Variants in ARPC5L observed in about 807,000 individuals in gnomAD.
ARPC5L encodes actin-related protein 2/3 complex subunit 5-like protein.
In ARPC5L, 4 loss-of-function variants were observed where a neutral mutation model predicts 16.9. That is an observed-to-expected ratio of 0.24 (90% CI 0.12 to 0.54). ARPC5L has a LOEUF of 0.54. Ranked by LOEUF, ARPC5L falls within the 20% of genes least tolerant of loss-of-function variation. The probability of loss-of-function intolerance (pLI) is 0.95; values close to 1 mark genes in which losing one functional copy is unlikely to be tolerated. For synonymous variants in ARPC5L, 78 were observed against 82.6 expected, an observed-to-expected ratio of 0.94 and a Z score of 0.30; for missense variants, 151 against 201.9, an observed-to-expected ratio of 0.75 and a Z score of 1.53.
intron 2 of ARPC5L, among the ~76,000 whole-genome samples, chr9:124,865,512 G>A (rs1049626130): frequency 2.0e-5 from 3 of 151,948 alleles, no homozygotes; most frequent in South Asian, 2.1e-4. Flanking sequence ...ACTTAAGGCC[G>A]GGTGAGGTGG....
At chr9:124,871,532 G>A (rs1410304854) in intron 3 of ARPC5L, among the ~76,000 whole-genome samples, 1 of 152,150 alleles carries the variant, frequency 6.6e-6, no homozygotes, top group Non-Finnish European at 1.5e-5. Context: ...GTGACCTTGC[G>A]CAGGTAATTT....
chr9:124,869,214 C>T lies in ARPC5L; in HGVS notation c.-77C>T, dbSNP rs1829317038. Reference sequence around the variant, plus strand: ...CGGGCAGCCGCTTCCCGCCCCCGAGCAGGAGCCGGTGCGAGCGGAGCAGAG... The same window carrying T: ...CGGGCAGCCGCTTCCCGCCCCCGAGTAGGAGCCGGTGCGAGCGGAGCAGAG... On this transcript the variant is annotated 5_prime_UTR_variant, in exon 3 of 6. Coordinates refer to ENST00000353214, the MANE Select transcript of ARPC5L (RefSeq NM_030978.3). 6.6e-6 allele frequency: 9 copies of T among 1,354,726 alleles called. No homozygotes were observed. Among genetic ancestry groups the T allele is most frequent in the Non-Finnish European group, 8.6e-6 (9 of 1,048,544 alleles). 83.9% of individuals were successfully genotyped at this position (1,354,726 alleles called of 1,614,324 possible).
intron 3 of ARPC5L, chr9:124,873,470 G>A: frequency 1.7e-6 from 1 of 589,044 alleles, no homozygotes; most frequent in South Asian, 1.9e-5. Flanking sequence ...GACGTGGAAG[G>A]TAGAGAGGGA....
At chr9:124,865,315 TAAA>T (rs11414499) in intron 2 of ARPC5L, among the ~76,000 whole-genome samples, 2 of 107,058 alleles carry the variant, frequency 1.9e-5, no homozygotes, top group African/African-American at 7.3e-5. Context: ...AAACTCTGTC[TAAA>T]AAAAAAAAAA....
At chr9:124,870,253 G>A (rs1271299406) in intron 3 of ARPC5L, among the ~76,000 whole-genome samples, 2 of 152,180 alleles carry the variant, frequency 1.3e-5, no homozygotes, top group Non-Finnish European at 2.9e-5. Flanking sequence ...CTGTTCTTGT[G>A]GCCACAGAAA....
chr9:124,869,232 G>A lies in ARPC5L; in HGVS notation c.-59G>A, dbSNP rs558039256. On this transcript the variant is annotated 5_prime_UTR_variant, in exon 3 of 6. Coordinates refer to ENST00000353214, the MANE Select transcript of ARPC5L (RefSeq NM_030978.3). ...CCCCGAGCAGGAGCCGGTGCGAGCG[G>A]AGCAGAGCCGAGGTCGGGCCGCGAG... 5.3e-5 allele frequency: 78 copies of A among 1,463,136 alleles called. No individual in the cohort carries two copies. The highest frequency in any genetic ancestry group is 1.3e-5 in the Non-Finnish European group (14 of 1,109,814). The allele number at this position is 1,463,136 out of a possible 1,614,324, so 90.6% of individuals were successfully genotyped here. A position where few individuals can be genotyped will look rare whatever the true frequency, so the allele number is the denominator to read the frequency against.
Position 124,877,363 on chromosome 9 carries a change from C to G in ARPC5L, c.*423C>G. On this transcript the variant is annotated 3_prime_UTR_variant, in exon 6 of 6. Transcript: ENST00000353214. Reference sequence around the variant, plus strand: ...CCCAGAGAAGGTGGACACTCTTGGGCTCATTGTAAAGTGCCTGCTGCATCA... The same window carrying G: ...CCCAGAGAAGGTGGACACTCTTGGGGTCATTGTAAAGTGCCTGCTGCATCA... 5.8e-6 allele frequency: 1 copy of G among 173,402 alleles called. No individual in the cohort carries two copies. The highest frequency in any genetic ancestry group is 1.2e-5 in the Non-Finnish European group (1 of 82,354). The allele number at this position is 173,402 out of a possible 1,614,324, so 10.7% of individuals were successfully genotyped here. A position where few individuals can be genotyped will look rare whatever the true frequency, so the allele number is the denominator to read the frequency against.
chr9:124,868,886 C>A lies in ARPC5L; in HGVS notation c.-405C>A. ...GTACCGGCAGGGATCACCCCGGGAG[C>A]ACGCGCCCGGCCCCGCTGAGGCCAG... On this transcript the variant is annotated 5_prime_UTR_variant, in exon 3 of 6. Coordinates refer to ENST00000353214, the MANE Select transcript of ARPC5L (RefSeq NM_030978.3). The A allele has an allele frequency of 6.0e-6, 1 of 167,130 alleles. No individual in the cohort carries two copies. The highest frequency in any genetic ancestry group is 1.3e-5 in the Non-Finnish European group (1 of 78,214). 10.4% of individuals were successfully genotyped at this position (167,130 alleles called of 1,614,324 possible).
At chr9:124,865,289 CT>C (rs1829253279) in intron 2 of ARPC5L, among the ~76,000 whole-genome samples, 1 of 131,346 alleles carries the variant, frequency 7.6e-6, no homozygotes, top group Non-Finnish European at 1.5e-5. Flanking sequence ...GCACTCCAGC[CT>C]GGGTGACAAG....
At chr9:124,869,756 A>T (rs970860047) in intron 3 of ARPC5L, among the ~76,000 whole-genome samples, 1 of 151,796 alleles carries the variant, frequency 6.6e-6, no homozygotes, top group African/African-American at 2.4e-5. Context: ...TCGTCCCCTC[A>T]CGCTGTCCCT....
chr9:124,869,260 G>C lies in ARPC5L; in HGVS notation c.-31G>C. 1 of 1,500,236 alleles carries C rather than the reference G, an allele frequency of 6.7e-7. No homozygotes were observed. Among genetic ancestry groups the C allele is most frequent in the South Asian group, 1.3e-5 (1 of 79,144 alleles). The allele number at this position is 1,500,236 out of a possible 1,614,324, so 92.9% of individuals were successfully genotyped here. On this transcript the variant is annotated 5_prime_UTR_variant, in exon 3 of 6. Transcript: ENST00000353214. Reference sequence around the variant, plus strand: ...CAGAGCCGAGGTCGGGCCGCGAGCGGAGCCGGCTGAGCGGGCGCCGAGCTC... The same window carrying C: ...CAGAGCCGAGGTCGGGCCGCGAGCGCAGCCGGCTGAGCGGGCGCCGAGCTC...
intron 2 of ARPC5L, among the ~76,000 whole-genome samples, chr9:124,866,839 C>T (rs1829277357): frequency 6.6e-6 from 1 of 152,244 alleles, no homozygotes; most frequent in African/African-American, 2.4e-5. Context: ...CACCTCTCTA[C>T]TTTGGTTCTC....
At chr9:124,865,664 G>A (rs746572833) in intron 2 of ARPC5L, among the ~76,000 whole-genome samples, 1 of 151,502 alleles carries the variant, frequency 6.6e-6, no homozygotes, top group Non-Finnish European at 1.5e-5. Flanking sequence ...ATGGTGGCGG[G>A]TGCCTATAAT....
intron 3 of ARPC5L, among the ~76,000 whole-genome samples, chr9:124,870,017 C>T (rs1057509649): frequency 6.6e-6 from 1 of 152,202 alleles, no homozygotes; most frequent in Non-Finnish European, 1.5e-5. Context: ...GATTGTGTCT[C>T]TCTTCCCCCA....
rs1490154527 is a variant in ARPC5L at position 124,877,453 on chromosome 9, A to AATG, written c.*515_*517dup. 2 of 153,278 alleles carry AATG rather than the reference A, an allele frequency of 1.3e-5. No individual in the cohort carries two copies. The highest frequency in any genetic ancestry group is 4.8e-5 in the African/African-American group (2 of 41,422). 9.5% of individuals were successfully genotyped at this position (153,278 alleles called of 1,614,324 possible). ...TTTCGTGTATGTAAAAAAAAATGGT[A>AATG]ATGAATGGGATGGTAATGAATGAGA... On this transcript the variant is annotated 3_prime_UTR_variant, in exon 6 of 6. Coordinates refer to ENST00000353214, the MANE Select transcript of ARPC5L (RefSeq NM_030978.3).
At chr9:124,874,873 CT>C in intron 4 of ARPC5L, 101 bp from the exon 5 acceptor site, 1 of 1,399,582 alleles carries the variant, frequency 7.1e-7, no homozygotes, top group East Asian at 2.3e-5. Context: ...GAATTAGAAA[CT>C]GGGCAGTGTT....
chr9:124,872,362 G>A (rs541159768), intron 3 of ARPC5L, among the ~76,000 whole-genome samples: 1 of 152,270 alleles, frequency 6.6e-6, no homozygotes, highest in African/African-American at 2.4e-5. Context: ...TGGGGAGGCC[G>A]AGGCGGACAG....
In ARPC5L at chr9:124,877,052, G is replaced by GCA; in HGVS notation, c.*112_*113insCA. Reference sequence around the variant, plus strand: ...AGGAACTCCCAAGTAAACTATTTCAGGACATGTATCTGCTGAAATGTATTT... The same window carrying GCA: ...AGGAACTCCCAAGTAAACTATTTCAGCAGACATGTATCTGCTGAAATGTATTT... On this transcript the variant is annotated 3_prime_UTR_variant, in exon 6 of 6. Transcript: ENST00000353214. The GCA allele has an allele frequency of 2.5e-6, 2 of 788,190 alleles. No homozygotes were observed. The highest frequency in any genetic ancestry group is 4.0e-6 in the Non-Finnish European group (2 of 499,790). 48.8% of individuals were successfully genotyped at this position (788,190 alleles called of 1,614,324 possible).
rs775426914 is a variant in ARPC5L at position 124,873,678 on chromosome 9, T to C, written c.150-14T>C. The C allele has an allele frequency of 6.8e-6, 11 of 1,614,180 alleles. No individual in the cohort carries two copies. The East Asian group carries it at 2.2e-4, about 33-fold the overall frequency. On this transcript the variant is annotated splice_polypyrimidine_tract_variant and intron_variant, in intron 3 of 5. Transcript: ENST00000353214. ...GTGCTTGAGCCTAGCTATCCTTAAC[T>C]GGTGGTGATGCACAGGGGACATGCT...
Sources: allele counts gnomAD v4.1 joint callset (sites outside exome capture counted in the v4.1 genomes callset), GRCh38; gene constraint gnomAD v4.1.1; transcripts MANE v1.5; gene names NCBI Gene and HGNC (gene_info 2026-07-23, HGNC 2026-07-21).